The following ANAPC5 variants were observed in gnomAD, a reference collection of about 807,000 sequenced individuals.
ANAPC5 encodes the protein anaphase promoting complex subunit 5.
A neutral mutation model predicts 91.3 loss-of-function variants in ANAPC5; 60 were observed. The ratio of observed to expected loss-of-function variants is 0.66; its 90% CI spans 0.53 to 0.81. The LOEUF is 0.81. Ranked by LOEUF, ANAPC5 falls within the 40% of genes least tolerant of loss-of-function variation. ANAPC5 has a pLI of 0.00. For synonymous variants in ANAPC5, 340 were observed against 364.1 expected (o/e 0.93, Z 0.75); for missense variants, 690 against 931.5 (o/e 0.74, Z 3.37).
chr12:121,312,464 T>C (rs1311858103), intron 15 of ANAPC5, among the ~76,000 whole-genome samples: 2 of 151,554 alleles, frequency 1.3e-5, no homozygotes, highest in Non-Finnish European at 1.5e-5. Context: ...CCCAGCACTT[T>C]GGGAGGCCGA....
chr12:121,313,187 G>A (rs1291612197), intron 15 of ANAPC5, among the ~76,000 whole-genome samples: 4 of 152,028 alleles, frequency 2.6e-5, no homozygotes, highest in East Asian at 3.9e-4. Flanking sequence ...TTAGCCAGGC[G>A]TGGTAGCATG....
intron 12 of ANAPC5, among the ~76,000 whole-genome samples, chr12:121,320,117 T>C (rs1293855594): frequency 6.6e-6 from 1 of 152,218 alleles, no homozygotes; most frequent in Non-Finnish European, 1.5e-5. Context: ...TTTCTCTTTT[T>C]TCAAAGTAGG....
rs1226244910 is a variant in ANAPC5, at chr12:121,352,381, G to C, written c.-41C>G. 1.3e-6 allele frequency: 2 copies of C among 1,532,448 alleles called. No individual in the cohort carries two copies. The highest frequency in any genetic ancestry group is 1.2e-5 in the South Asian group (1 of 86,534). 94.9% of individuals were successfully genotyped at this position (1,532,448 alleles called of 1,614,324 possible). The stretch of plus-strand genomic sequence containing the variant: ...AGTCTCGGGCCCGCGGCGCGCTGCC[G>C]CCAGTTGTCACCACAAGGCACAACA... On this transcript the variant is annotated 5_prime_UTR_variant, in exon 1 of 17. Transcript: ENST00000261819.
rs1902463846 is a variant in ANAPC5, at chr12:121,318,565, G to A, written c.1681C>T (p.His561Tyr). 6.2e-7 allele frequency: 1 copy of A among 1,614,124 alleles called. No individual in the cohort carries two copies. Among genetic ancestry groups the A allele is most frequent in the African/African-American group, 1.3e-5 (1 of 75,030 alleles). Residue 561 changes from histidine (H) to tyrosine (Y), a missense_variant, in exon 14 of 17, where the codon CAT (histidine) becomes TAT (tyrosine). Physicochemically the swap from His to Tyr is moderately conservative, Grantham distance 83. Coordinates refer to ENST00000261819, the MANE Select transcript of ANAPC5 (RefSeq NM_016237.5). The stretch of plus-strand genomic sequence containing the variant: ...ACCAACAATTTTTGTAAAAGCTTAT[G>A]TGCCTCTGACATTTGGTTCTGAGCT... ...LQAQNQMSEA[H>Y]KLLQKLLVHC... is the part of the protein sequence containing the mutation.
chr12:121,315,076 A>G (rs987106855), intron 15 of ANAPC5, among the ~76,000 whole-genome samples: 8 of 152,102 alleles, frequency 5.3e-5, no homozygotes, highest in Non-Finnish European at 1.0e-4. Flanking sequence ...ATACAAAACC[A>G]TAAAAAAAAA....
intron 11 of ANAPC5, among the ~76,000 whole-genome samples, chr12:121,326,049 A>G (rs941122100): frequency 3.9e-5 from 6 of 152,150 alleles, no homozygotes; most frequent in Non-Finnish European, 2.9e-5. Flanking sequence ...AGCCCTTTCG[A>G]CCTCAGAAAA....
Position 121,347,061 on chromosome 12 carries a change from T to A in ANAPC5, c.288-56A>T, listed in dbSNP as rs540086494. On this transcript the variant is annotated intron_variant, in intron 2 of 16. Transcript: ENST00000261819. ...GAAAGGCCCTTTGAATAATTTCTCA[T>A]GTTTCATATTCCTCAATTACCTCAA... 20 of 1,079,228 alleles carry A rather than the reference T, an allele frequency of 1.9e-5. 1 individual carries two copies. The South Asian group carries it at 2.9e-4, about 16-fold the overall frequency. The allele number at this position is 1,079,228 out of a possible 1,614,324, so 66.9% of individuals were successfully genotyped here.
At chr12:121,316,746 A>G (rs1015888539) in intron 15 of ANAPC5, among the ~76,000 whole-genome samples, 4 of 150,942 alleles carry the variant, frequency 2.7e-5, no homozygotes, top group South Asian at 4.2e-4. Flanking sequence ...AAAAAAAAAA[A>G]AAAAAAAAAA....
At chr12:121,351,891 A>T (rs575115466) in intron 1 of ANAPC5, among the ~76,000 whole-genome samples, 5 of 152,148 alleles carry the variant, frequency 3.3e-5, no homozygotes, top group Admixed American at 3.3e-4. Flanking sequence ...TCTAACTCTC[A>T]GCTAATAAAT....
At chr12:121,346,602 C>G (rs1903675711) in intron 3 of ANAPC5, 1 of 273,594 alleles carries the variant, frequency 3.7e-6, no homozygotes, top group Non-Finnish European at 6.8e-6. Flanking sequence ...CCCTCACTTA[C>G]AGATGGACCA....
intron 4 of ANAPC5, among the ~76,000 whole-genome samples, chr12:121,345,238 G>A (rs1342737319): frequency 6.6e-6 from 1 of 152,198 alleles, no homozygotes; most frequent in East Asian, 1.9e-4. Context: ...AGCTTCCTTA[G>A]AGGCTAGACC....
intron 3 of ANAPC5, chr12:121,346,283 G>A: frequency 2.6e-6 from 1 of 388,816 alleles, no homozygotes; most frequent in Non-Finnish European, 4.6e-6. Flanking sequence ...CTTTCTTCAT[G>A]GCTGTTACAC....
At chr12:121,320,534 G>A in intron 11 of ANAPC5, 75 bp from the exon 12 acceptor site, 2 of 1,255,570 alleles carry the variant, frequency 1.6e-6, no homozygotes, top group East Asian at 2.4e-5. Flanking sequence ...CACAGATGGT[G>A]ACAGATTCAC....
At chr12:121,340,066 C>T (rs1279883834) in intron 5 of ANAPC5, among the ~76,000 whole-genome samples, 1 of 151,578 alleles carries the variant, frequency 6.6e-6, no homozygotes, top group Non-Finnish European at 1.5e-5. Flanking sequence ...CCTGTAATCC[C>T]AGCACTTTGG....
intron 5 of ANAPC5, among the ~76,000 whole-genome samples, chr12:121,340,473 A>T (rs1555273985): frequency 1.3e-5 from 2 of 152,136 alleles, no homozygotes; most frequent in Non-Finnish European, 2.9e-5. Flanking sequence ...CCTTACAGTT[A>T]ACCAATCACA....
chr12:121,349,917 G>C (rs1903818784), intron 1 of ANAPC5, among the ~76,000 whole-genome samples: 1 of 151,756 alleles, frequency 6.6e-6, no homozygotes, highest in South Asian at 2.1e-4. Flanking sequence ...CACTGTGTTG[G>C]CCAGGCTGGT....
intron 4 of ANAPC5, among the ~76,000 whole-genome samples, chr12:121,343,716 AAAC>A (rs1903547885): frequency 6.6e-6 from 1 of 152,222 alleles, no homozygotes. Flanking sequence ...CCCCATTTAT[AAAC>A]AATGTCACCC....
At chr12:121,340,188 G>A (rs1354647738) in intron 5 of ANAPC5, among the ~76,000 whole-genome samples, 1 of 151,104 alleles carries the variant, frequency 6.6e-6, no homozygotes, top group Non-Finnish European at 1.5e-5. Flanking sequence ...TGTGGTGGCA[G>A]GCACCTCTAA....
At chr12:121,350,613 G>A (rs1319217485) in intron 1 of ANAPC5, among the ~76,000 whole-genome samples, 7 of 151,866 alleles carry the variant, frequency 4.6e-5, no homozygotes, top group Admixed American at 1.3e-4. Flanking sequence ...CCCGGGAGGC[G>A]GAGCCTGCAG....
Sources: allele counts gnomAD v4.1 joint callset (sites outside exome capture counted in the v4.1 genomes callset), GRCh38; gene constraint gnomAD v4.1.1; transcripts MANE v1.5; gene names NCBI Gene and HGNC (gene_info 2026-07-23, HGNC 2026-07-21).